The following CDH3 variants were observed in gnomAD, a reference collection of about 807,000 sequenced individuals.
The protein encoded by CDH3 is cadherin 3.
Under a neutral mutation model 82.0 loss-of-function variants are expected in CDH3, and 54 were observed. The observed-to-expected ratio is 0.66, with a 90% confidence interval of 0.53 to 0.83. The LOEUF (loss-of-function observed/expected upper bound fraction) is 0.83, where lower values mean the gene tolerates loss of function less well. Ranked by LOEUF, CDH3 falls within the 40% of genes least tolerant of loss-of-function variation. The probability of loss-of-function intolerance (pLI) is 0.00; values close to 1 mark genes in which losing one functional copy is unlikely to be tolerated. For synonymous variants in CDH3, 446 were observed against 437.9 expected (o/e 1.02, Z -0.23); for missense variants, 1,054 against 1,084.6 (o/e 0.97, Z 0.40).
chr16:68,666,176 G>A (rs1029955482), intron 2 of CDH3, among the ~76,000 whole-genome samples: 3 of 151,700 alleles, frequency 2.0e-5, no homozygotes, highest in Non-Finnish European at 4.4e-5. Flanking sequence ...CTGCTTGGCT[G>A]GGTCAGAGAA....
chr16:68,666,309 G>C (rs1960731357), intron 2 of CDH3, among the ~76,000 whole-genome samples: 1 of 152,128 alleles, frequency 6.6e-6, no homozygotes, highest in Admixed American at 6.5e-5. Context: ...CCTGGGTTCT[G>C]TTGCCCTCCA....
downstream of CDH3, among the ~76,000 whole-genome samples, chr16:68,704,790 C>T (rs371108346): frequency 6.6e-6 from 1 of 152,200 alleles, no homozygotes; most frequent in Non-Finnish European, 1.5e-5. Flanking sequence ...CGTGATGGCT[C>T]ACACCTGTAA....
intron 11 of CDH3, 67 bp downstream of exon 11, chr16:68,685,417 A>G: frequency 6.5e-7 from 1 of 1,537,910 alleles, no homozygotes; most frequent in Admixed American, 1.7e-5. Context: ...GACACAGCAC[A>G]GCATGTTTCC....
intron 2 of CDH3, among the ~76,000 whole-genome samples, chr16:68,662,397 G>A (rs1047028981): frequency 6.6e-6 from 1 of 152,206 alleles, no homozygotes; most frequent in Admixed American, 6.5e-5. Context: ...GGTCTAGGCT[G>A]TAGTGCATGA....
At position 68,687,639 on chromosome 16, in the gene CDH3, C is replaced by T. The variant is rs377439847; in HGVS notation, c.1698C>T (p.Asn566=). ...AAAGCCCTGTGCGCCAGGTGCTGAA[C>T]ATCACGGACAAGGACCTGTCTCCCC... The part of the protein sequence containing the change: ...CNQSPVRQVL[N]ITDKDLSPHT... The change falls in exon 12 of 16, where the codon AAC becomes AAT. Residue 566 remains asparagine, a synonymous_variant. Transcript: ENST00000264012. 1.2e-6 allele frequency: 2 copies of T among 1,614,110 alleles called. No homozygotes were observed. The highest frequency in any genetic ancestry group is 8.5e-7 in the Non-Finnish European group (1 of 1,179,994).
intron 1 of CDH3, among the ~76,000 whole-genome samples, chr16:68,713,919 T>TTTATTATTATTA (rs146101205): frequency 1.5e-4 from 22 of 147,532 alleles, no homozygotes; most frequent in African/African-American, 4.7e-4. Context: ...TTTTATTCTA[T>TTTATTATTATTA]TTATTATTAT....
intron 2 of CDH3, among the ~76,000 whole-genome samples, chr16:68,726,364 C>G (rs1010018936): frequency 1.3e-5 from 2 of 152,128 alleles, no homozygotes; most frequent in African/African-American, 4.8e-5. Context: ...TCAGGCCATC[C>G]TCTTGCCTTC....
chr16:68,650,220 C>T (rs973565135), intron 2 of CDH3, among the ~76,000 whole-genome samples: 10 of 152,136 alleles, frequency 6.6e-5, no homozygotes, highest in African/African-American at 2.4e-4. Context: ...ATTTTAGCAT[C>T]GTGGTCAGGT....
In CDH3 at chr16:68,691,703, T is replaced by A. The variant is rs759287484; in HGVS notation, c.1796-17T>A. 6.2e-7 allele frequency: 1 copy of A among 1,600,330 alleles called. No individual in the cohort carries two copies. The highest frequency in any genetic ancestry group is 2.2e-5 in the East Asian group (1 of 44,758). On this transcript the variant is annotated splice_polypyrimidine_tract_variant and intron_variant, in intron 12 of 15. Coordinates refer to ENST00000264012, the MANE Select transcript of CDH3 (RefSeq NM_001793.6). ...ACTGATGGTTCCCACAGCTAATCAA[T>A]GATCTGTTCACTCCAGGTGACACAG...
intron 1 of CDH3, among the ~76,000 whole-genome samples, chr16:68,714,593 T>C (rs1962070351): frequency 6.6e-6 from 1 of 152,232 alleles, no homozygotes; most frequent in Non-Finnish European, 1.5e-5. Flanking sequence ...TCTCTTTACC[T>C]GTCCATTTCC....
At chr16:68,678,352 T>C in intron 4 of CDH3, 75 bp downstream of exon 4, 1 of 1,596,034 alleles carries the variant, frequency 6.3e-7, no homozygotes, top group Non-Finnish European at 8.6e-7. Context: ...TGAGATTTCT[T>C]GCTACTGAAT....
At position 68,676,395 on chromosome 16, in the gene CDH3, C is replaced by G; in HGVS notation, c.171C>G (p.Gly57=). ...TCCCCTTCCCCACAGTATTCATGGG[C>G]TGCCCTGGGCAAGAGCCAGCTCTGT... ...PGQALGKVFM[G]CPGQEPALFS... Residue 57 remains glycine (G), a synonymous_variant, in exon 3 of 16, where the codon GGC becomes GGG. Coordinates refer to ENST00000264012, the MANE Select transcript of CDH3 (RefSeq NM_001793.6). The G allele has an allele frequency of 6.2e-7, 1 of 1,613,136 alleles. No homozygotes were observed. The highest frequency in any genetic ancestry group is 8.5e-7 in the Non-Finnish European group (1 of 1,179,040).
chr16:68,703,260 G>A (rs1961918426), downstream of CDH3, among the ~76,000 whole-genome samples: 2 of 152,196 alleles, frequency 1.3e-5, no homozygotes, highest in Non-Finnish European at 2.9e-5. Flanking sequence ...TTGGTGAGGA[G>A]CTGGGGCCCC....
At chr16:68,715,183 T>A (rs1205497430) in intron 1 of CDH3, among the ~76,000 whole-genome samples, 1 of 151,996 alleles carries the variant, frequency 6.6e-6, no homozygotes, top group African/African-American at 2.4e-5. Context: ...CCCAACTCTT[T>A]GGAAGGCTGA....
chr16:68,645,515 G>T (rs531574990), intron 1 of CDH3, 91 bp downstream of exon 1: 1 of 1,480,578 alleles, frequency 6.8e-7, no homozygotes, highest in Non-Finnish European at 9.2e-7. Context: ...GGGAGAGCGC[G>T]GGGCTGCGCT....
Position 68,707,829 on chromosome 16 carries a change from CA to C in CDH3, c.99+11907del, listed in dbSNP as rs1341271051. ...CCTGTACCCACTGCCCAGCAAGCGG[CA>C]GGGGTGTGGCGGGCCGGGGAGGAAT... On this transcript the variant is annotated intron_variant, in intron 1 of 2. Transcript: ENST00000569080. This position sits in a 1 kb window ranked among gnomAD's most constrained non-coding sequence, Gnocchi z 4.5. 3.3e-5 allele frequency among the ~76,000 whole-genome samples: 5 copies of C among 151,660 alleles called. No homozygotes were observed. The highest frequency in any genetic ancestry group is 5.9e-5 in the Non-Finnish European group (4 of 67,928).
At chr16:68,663,425 G>A (rs374403797) in intron 2 of CDH3, among the ~76,000 whole-genome samples, 2 of 150,542 alleles carry the variant, frequency 1.3e-5, no homozygotes, top group African/African-American at 2.4e-5. Flanking sequence ...TAGTAGAGAC[G>A]GTGTTTCACC....
chr16:68,702,746 T>C (rs985802728), downstream of CDH3, among the ~76,000 whole-genome samples: 2 of 152,088 alleles, frequency 1.3e-5, no homozygotes, highest in African/African-American at 4.8e-5. Flanking sequence ...ATGCCTGTTA[T>C]CCCAGCTACT....
chr16:68,708,392 C>T (rs554340741), intron 1 of CDH3, among the ~76,000 whole-genome samples: 14 of 117,122 alleles, frequency 1.2e-4, no homozygotes, highest in South Asian at 1.1e-3. Context: ...CCAGGTAAAA[C>T]GCTGAAGTTT....
Sources: gnomAD v4.1 joint callset for allele counts (sites outside exome capture counted in the v4.1 genomes callset) on GRCh38, gnomAD v4.1.1 for gene constraint, Gnocchi (gnomAD v3.1) non-coding constraint, MANE v1.5 for transcripts, NCBI Gene and HGNC (gene_info 2026-07-23, HGNC 2026-07-21) for gene names.